ASIC2: variants seen among roughly 807,000 people sequenced by gnomAD.
The protein encoded by ASIC2 is acid sensing ion channel subunit 2.
ASIC2 carries 25 observed loss-of-function variants against 57.3 expected under a neutral mutation model. The observed-to-expected ratio is 0.44, with a 90% CI of 0.32 to 0.61. ASIC2 has a LOEUF of 0.61. Among genes scored for constraint, ASIC2 ranks in the 20% least tolerant of loss-of-function variants. The pLI is 0.06. For synonymous variants in ASIC2, 319 were observed against 307.5 expected, an observed-to-expected ratio of 1.04 and a Z score of -0.39; for missense variants, 641 against 738.1, an observed-to-expected ratio of 0.87 and a Z score of 1.52.
At chr17:33,273,760 G>A (rs1227862675) in intron 1 of ASIC2, among the ~76,000 whole-genome samples, 1 of 152,054 alleles carries the variant, frequency 6.6e-6, no homozygotes, top group Non-Finnish European at 1.5e-5. Flanking sequence ...CCAAGGTCAC[G>A]CTCAGTGAAC....
At chr17:33,279,714 C>A (rs1304518980) in intron 1 of ASIC2, among the ~76,000 whole-genome samples, 1 of 152,078 alleles carries the variant, frequency 6.6e-6, no homozygotes, top group African/African-American at 2.4e-5. Flanking sequence ...GTAGCAAGAC[C>A]CCAACTCTAT....
intron 1 of ASIC2, among the ~76,000 whole-genome samples, chr17:33,115,614 C>T (rs941007787): frequency 2.0e-5 from 3 of 152,226 alleles, no homozygotes; most frequent in Non-Finnish European, 4.4e-5. Context: ...CTGATCAGGC[C>T]TCAGCTTGAA....
Position 33,865,255 on chromosome 17 carries a change from A to T in ASIC2, c.555+290723T>A, listed in dbSNP as rs1312798727. Among the ~76,000 whole-genome samples, 9 of 152,338 alleles carry T rather than the reference A, an allele frequency of 5.9e-5. No homozygotes were observed. In the East Asian group the frequency reaches 1.7e-3, roughly 29 times the overall value. ...CCCCAGGAGCCATGAGATGGTTCCA[A>T]TTATGTGAATTGTAAGCCACATTTT... On this transcript the variant is annotated intron_variant, in intron 1 of 9. Coordinates refer to the ASIC2 transcript ENST00000359872.
chr17:34,038,716 G>A lies in ASIC2; in HGVS notation c.555+117262C>T, dbSNP rs546930963. 4.1e-5 allele frequency: 66 copies of A among 1,605,036 alleles called. No individual in the cohort carries two copies. The Middle Eastern group carries it at 5.0e-4, about 12-fold the overall frequency. The stretch of plus-strand genomic sequence containing the variant: ...TAAGATGACCTAATCTGAGTTTGAA[G>A]ATTTCTTCTTGTTCATGGTATTCTT... On this transcript the variant is annotated intron_variant, in intron 1 of 9. Coordinates refer to the ASIC2 transcript ENST00000359872.
chr17:33,062,631 A>G (rs1598259039), intron 3 of ASIC2, among the ~76,000 whole-genome samples: 1 of 152,190 alleles, frequency 6.6e-6, no homozygotes, highest in African/African-American at 2.4e-5. Context: ...AGAAGAATGT[A>G]TATTCTGTTG....
intron 1 of ASIC2, among the ~76,000 whole-genome samples, chr17:33,568,545 C>T (rs1916323862): frequency 6.6e-6 from 1 of 152,100 alleles, no homozygotes; most frequent in Non-Finnish European, 1.5e-5. Context: ...TGGTACCTTC[C>T]AGAATCATCT....
rs28930 is a variant in ASIC2 at position 33,015,788 on chromosome 17, T to C, written c.1590+183A>G. Among the ~76,000 whole-genome samples, 1,054 of 152,268 alleles carry C rather than the reference T, an allele frequency of 6.9e-3. 8 individuals are homozygous for C. Among genetic ancestry groups the C allele is most frequent in the African/African-American group, 0.024 (997 of 41,534 alleles). On this transcript the variant is annotated intron_variant, in intron 9 of 9. Coordinates refer to ENST00000225823, the MANE Select transcript of ASIC2 (RefSeq NM_183377.2). ...CATCCGTACTGGCTTCTGGCATGACTCTCAGAGAGAGGCTCGAGGCTCAGC... is the reference window on the plus strand; with the variant it reads ...CATCCGTACTGGCTTCTGGCATGACCCTCAGAGAGAGGCTCGAGGCTCAGC...
chr17:33,088,832 A>G, intron 3 of ASIC2, 31 bp downstream of exon 3: 1 of 1,589,408 alleles, frequency 6.3e-7, no homozygotes, highest in Non-Finnish European at 8.6e-7. Context: ...GAGGCTGAGG[A>G]CCATCAATCC....
intron 1 of ASIC2, among the ~76,000 whole-genome samples, chr17:33,971,632 T>C (rs370493208): frequency 1.1e-4 from 16 of 152,216 alleles, no homozygotes; most frequent in African/African-American, 3.4e-4. Context: ...CCCATATACA[T>C]GTAAGGACAC....
Position 33,025,989 on chromosome 17 carries a change from A to G in ASIC2, c.1139-7T>C. 6.2e-7 allele frequency: 1 copy of G among 1,613,652 alleles called. No individual in the cohort carries two copies. The highest frequency in any genetic ancestry group is 8.5e-7 in the Non-Finnish European group (1 of 1,179,760). On this transcript the variant is annotated splice_polypyrimidine_tract_variant and splice_region_variant and intron_variant, in intron 4 of 9. Coordinates refer to ENST00000225823, the MANE Select transcript of ASIC2 (RefSeq NM_183377.2). Reference sequence around the variant, plus strand: ...GTACAAAAAGGGGCATCCCCTGCAAAGAAGAAACACCAGACAGAGTTACTC... The same window carrying G: ...GTACAAAAAGGGGCATCCCCTGCAAGGAAGAAACACCAGACAGAGTTACTC...
At chr17:33,624,593 A>T (rs1451931419) in intron 1 of ASIC2, among the ~76,000 whole-genome samples, 1 of 152,198 alleles carries the variant, frequency 6.6e-6, no homozygotes, top group Non-Finnish European at 1.5e-5. Flanking sequence ...GATGCTGGAG[A>T]AGGAGCGTTG....
rs191766396 is a variant in ASIC2, at chr17:33,579,778, G to C, written c.556-467711C>G. 1.6e-3 allele frequency among the ~76,000 whole-genome samples: 240 copies of C among 152,276 alleles called. 1 individual carries two copies. Among genetic ancestry groups the C allele is most frequent in the African/African-American group, 5.3e-3 (221 of 41,560 alleles). ...GCAAAACTCATTCAGAAGAGCAAAAGAACAAACTACCACACCGTGAAAAAC... is the reference window on the plus strand; with the variant it reads ...GCAAAACTCATTCAGAAGAGCAAAACAACAAACTACCACACCGTGAAAAAC... On this transcript the variant is annotated intron_variant, in intron 1 of 9. Transcript: ENST00000359872.
intron 1 of ASIC2, among the ~76,000 whole-genome samples, chr17:33,387,018 G>A (rs573220405): frequency 5.9e-5 from 9 of 152,060 alleles, no homozygotes; most frequent in Admixed American, 2.0e-4. Flanking sequence ...TTAGAGTTTA[G>A]CTGGGTTTAC....
chr17:33,548,805 C>G (rs1010191865), intron 1 of ASIC2, among the ~76,000 whole-genome samples: 3 of 152,140 alleles, frequency 2.0e-5, no homozygotes, highest in Admixed American at 1.3e-4. Flanking sequence ...ACCACAGGAC[C>G]TTTACACTTG....
intron 1 of ASIC2, among the ~76,000 whole-genome samples, chr17:34,051,540 C>T (rs1325271425): frequency 6.6e-6 from 1 of 152,182 alleles, no homozygotes; most frequent in Non-Finnish European, 1.5e-5. Flanking sequence ...TCAAATTGTG[C>T]ATATCCACCC....
intron 1 of ASIC2, among the ~76,000 whole-genome samples, chr17:33,920,042 A>G (rs931810938): frequency 6.6e-6 from 1 of 152,234 alleles, no homozygotes; most frequent in African/African-American, 2.4e-5. Context: ...GAAGCTGCAG[A>G]GAAAAGGGAA....
At chr17:33,887,919 C>A (rs1036537287) in intron 1 of ASIC2, among the ~76,000 whole-genome samples, 1 of 152,064 alleles carries the variant, frequency 6.6e-6, no homozygotes, top group Non-Finnish European at 1.5e-5. Context: ...ATGGACATAG[C>A]CTCATTGAGT....
At chr17:33,442,673 T>C (rs1257175088) in intron 1 of ASIC2, among the ~76,000 whole-genome samples, 1 of 152,170 alleles carries the variant, frequency 6.6e-6, no homozygotes, top group South Asian at 2.1e-4. Context: ...TTTTTTTTCT[T>C]TCTTGGTAGA....
intron 1 of ASIC2, among the ~76,000 whole-genome samples, chr17:33,452,822 G>A (rs1912308029): frequency 6.6e-6 from 1 of 150,742 alleles, no homozygotes; most frequent in Admixed American, 6.6e-5. Flanking sequence ...TATGTGCAGG[G>A]TGTACTTGTC....
Sources: gnomAD v4.1 joint callset for allele counts (sites outside exome capture counted in the v4.1 genomes callset) on GRCh38, gnomAD v4.1.1 for gene constraint, MANE v1.5 for transcripts, NCBI Gene and HGNC (gene_info 2026-07-23, HGNC 2026-07-21) for gene names.